PPP2R3A: variants seen among roughly 807,000 people sequenced by gnomAD.
PPP2R3A encodes the protein serine/threonine-protein phosphatase 2A regulatory subunit B'' subunit alpha.
Under a neutral mutation model 106.9 loss-of-function variants are expected in PPP2R3A, and 80 were observed. The observed-to-expected ratio is 0.75, with a 90% CI of 0.62 to 0.90. The LOEUF (loss-of-function observed/expected upper bound fraction) is 0.90. Ranked by LOEUF, PPP2R3A falls within the 40% of genes least tolerant of loss-of-function variation. PPP2R3A has a pLI of 0.00. For missense variants in PPP2R3A, 1,386 were observed against 1,350.4 expected, an observed-to-expected ratio of 1.03 and a Z score of -0.41; for synonymous variants, 483 against 468.3, an observed-to-expected ratio of 1.03 and a Z score of -0.41.
intron 10 of PPP2R3A, among the ~76,000 whole-genome samples, chr3:136,099,112 A>C (rs901785353): frequency 6.6e-6 from 1 of 152,230 alleles, no homozygotes; most frequent in African/African-American, 2.4e-5. Context: ...TCCAAGCAAG[A>C]AACTGAAATG....
intron 6 of PPP2R3A, among the ~76,000 whole-genome samples, chr3:136,073,112 C>T (rs1936485988): frequency 1.3e-5 from 2 of 152,212 alleles, no homozygotes; most frequent in East Asian, 1.9e-4. Context: ...GGACTACAGG[C>T]GCCCACCACC....
At position 136,145,028 on chromosome 3, in the gene PPP2R3A, GCTTT is replaced by G. The variant is rs1159267819; in HGVS notation, c.3330-14_3330-11del. The G allele has an allele frequency of 1.2e-6, 2 of 1,602,086 alleles. No individual in the cohort carries two copies. The highest frequency in any genetic ancestry group is 1.1e-5 in the South Asian group (1 of 89,166). ...TCAATCAATCAGTTAATTCACTTTTGCTTTGTTATTTCAGCTTTGAAGATTATGA... is the reference window on the plus strand; with the variant it reads ...TCAATCAATCAGTTAATTCACTTTTGGTTATTTCAGCTTTGAAGATTATGA... On this transcript the variant is annotated splice_polypyrimidine_tract_variant and intron_variant, in intron 13 of 13. Coordinates refer to ENST00000264977, the MANE Select transcript of PPP2R3A (RefSeq NM_002718.5).
intron 8 of PPP2R3A, among the ~76,000 whole-genome samples, chr3:136,087,298 T>TCA (rs1491035246): frequency 2.9e-5 from 4 of 138,122 alleles, no homozygotes; most frequent in African/African-American, 1.1e-4. Context: ...TCTCTCTCTC[T>TCA]CACCAACATG....
intron 7 of PPP2R3A, among the ~76,000 whole-genome samples, chr3:136,080,199 C>A (rs557685896): frequency 6.6e-6 from 1 of 152,216 alleles, no homozygotes; most frequent in Non-Finnish European, 1.5e-5. Flanking sequence ...CATTTCCATT[C>A]ATATAAGTCT....
At chr3:136,092,575 G>A (rs1398176553) in intron 10 of PPP2R3A, among the ~76,000 whole-genome samples, 4 of 151,888 alleles carry the variant, frequency 2.6e-5, no homozygotes, top group Non-Finnish European at 1.5e-5. Context: ...TGCTGAAAAA[G>A]TACAGAAAAA....
intron 1 of PPP2R3A, among the ~76,000 whole-genome samples, chr3:135,998,945 G>C (rs1028318019): frequency 3.3e-5 from 5 of 152,172 alleles, no homozygotes; most frequent in Admixed American, 3.3e-4. Flanking sequence ...ATTTCTGCTT[G>C]TGAATATTGT....
At chr3:135,987,669 A>G (rs180878384) in intron 1 of PPP2R3A, among the ~76,000 whole-genome samples, 86 of 152,154 alleles carry the variant, frequency 5.7e-4, no homozygotes, top group Non-Finnish European at 4.9e-4. Flanking sequence ...ATTGACTCAC[A>G]GTAATTCTTC....
chr3:136,071,021 G>T (rs563579937), intron 6 of PPP2R3A, among the ~76,000 whole-genome samples: 1 of 152,354 alleles, frequency 6.6e-6, no homozygotes, highest in Admixed American at 6.5e-5. Flanking sequence ...TTTGTGAGGA[G>T]CTCGCACTCC....
intron 13 of PPP2R3A, among the ~76,000 whole-genome samples, chr3:136,120,041 C>G (rs1444574035): frequency 2.6e-5 from 4 of 151,348 alleles, no homozygotes; most frequent in Non-Finnish European, 5.9e-5. Flanking sequence ...AGGATGAGTT[C>G]ACGTCCTTTG....
intron 13 of PPP2R3A, among the ~76,000 whole-genome samples, chr3:136,119,050 C>A (rs1282252862): frequency 3.3e-5 from 5 of 152,080 alleles, no homozygotes; most frequent in African/African-American, 1.2e-4. Context: ...AGAACAGAGG[C>A]CTCAGAAATA....
chr3:135,978,977 C>A (rs565221720), intron 1 of PPP2R3A, among the ~76,000 whole-genome samples: 1 of 151,692 alleles, frequency 6.6e-6, no homozygotes, highest in Non-Finnish European at 1.5e-5. Context: ...TTTAATGATA[C>A]GCTGATTTAA....
chr3:136,143,556 G>A (rs1362347970), intron 13 of PPP2R3A, among the ~76,000 whole-genome samples: 11 of 152,062 alleles, frequency 7.2e-5, no homozygotes, highest in African/African-American at 1.2e-4. Flanking sequence ...TTGGGAGGCC[G>A]AGACAGGTGG....
chr3:136,087,750 G>T (rs1039351388), intron 8 of PPP2R3A, 133 bp from the exon 9 acceptor site: 1 of 541,018 alleles, frequency 1.8e-6, no homozygotes, highest in Non-Finnish European at 3.3e-6. Context: ...AAATAAAAAT[G>T]TACTCACATT....
At chr3:136,072,660 A>G (rs995054397) in intron 6 of PPP2R3A, among the ~76,000 whole-genome samples, 7 of 152,170 alleles carry the variant, frequency 4.6e-5, no homozygotes, top group African/African-American at 1.7e-4. Context: ...CTGAATATTG[A>G]CTATTCTGAA....
At chr3:136,050,588 C>T (rs1298672868) in intron 5 of PPP2R3A, among the ~76,000 whole-genome samples, 2 of 152,118 alleles carry the variant, frequency 1.3e-5, no homozygotes, top group African/African-American at 4.8e-5. Context: ...GTGAAGATAC[C>T]CATGGCCCGT....
At chr3:135,985,743 A>G (rs1218755400) in intron 1 of PPP2R3A, among the ~76,000 whole-genome samples, 2 of 152,208 alleles carry the variant, frequency 1.3e-5, no homozygotes, top group African/African-American at 4.8e-5. Context: ...GGATAAAGTG[A>G]CTGAGACAGG....
intron 2 of PPP2R3A, among the ~76,000 whole-genome samples, chr3:136,008,499 C>T (rs1933925395): frequency 6.6e-6 from 1 of 152,162 alleles, no homozygotes; most frequent in African/African-American, 2.4e-5. Context: ...TGCATTAATA[C>T]CTGCATTCTT....
chr3:136,007,276 A>G (rs1384441282), intron 2 of PPP2R3A, among the ~76,000 whole-genome samples: 1 of 152,224 alleles, frequency 6.6e-6, no homozygotes, highest in Non-Finnish European at 1.5e-5. Flanking sequence ...TAAATGAGTA[A>G]GTGGATGAAT....
chr3:136,003,697 T>C (rs1040899995), intron 2 of PPP2R3A, among the ~76,000 whole-genome samples: 2 of 152,072 alleles, frequency 1.3e-5, no homozygotes, highest in Admixed American at 1.3e-4. Context: ...GCAAAGACTT[T>C]AGACTCAGAC....
Sources: gnomAD v4.1 joint callset for allele counts (sites outside exome capture counted in the v4.1 genomes callset) on GRCh38, gnomAD v4.1.1 for gene constraint, MANE v1.5 for transcripts, NCBI Gene and HGNC (gene_info 2026-07-23, HGNC 2026-07-21) for gene names.